The following GNAQ variants were observed in gnomAD, a reference collection of about 807,000 sequenced individuals.
GNAQ encodes G protein subunit alpha q, also known as guanine nucleotide-binding protein G(q) subunit alpha.
GNAQ carries 8 observed loss-of-function variants against 43.9 expected under a neutral mutation model. The observed-to-expected ratio is 0.18, with a 90% CI of 0.11 to 0.33. The LOEUF is 0.33. Ranked by LOEUF, GNAQ falls within the 10% of genes least tolerant of loss-of-function variation. GNAQ has a pLI of 1.00. For synonymous variants in GNAQ, 155 were observed against 170.7 expected, an observed-to-expected ratio of 0.91 and a Z score of 0.71; for missense variants, 158 against 450.8, an observed-to-expected ratio of 0.35 and a Z score of 5.88.
rs146739337 is a variant in GNAQ at position 77,825,062 on chromosome 9, G to A, written c.322-9292C>T. 2.3e-3 allele frequency among the ~76,000 whole-genome samples: 355 copies of A among 152,196 alleles called. 2 individuals are homozygous for A. In the Middle Eastern group the frequency reaches 0.027, roughly 12 times the overall value. ...TTGAAGCAGAAGATTTGTGTCTTTCGTATTTTGTGTGGTTGATTATATTCA... is the reference window on the plus strand; with the variant it reads ...TTGAAGCAGAAGATTTGTGTCTTTCATATTTTGTGTGGTTGATTATATTCA... On this transcript the variant is annotated intron_variant, in intron 2 of 6. Coordinates refer to ENST00000286548, the MANE Select transcript of GNAQ (RefSeq NM_002072.5).
chr9:77,799,276 G>T (rs1289624660), intron 3 of GNAQ, among the ~76,000 whole-genome samples: 1 of 152,104 alleles, frequency 6.6e-6, no homozygotes, highest in African/African-American at 2.4e-5. Flanking sequence ...AATGGAAGGG[G>T]TTAGATCTTC....
At chr9:77,959,712 T>C (rs891948165) in intron 1 of GNAQ, among the ~76,000 whole-genome samples, 1 of 152,168 alleles carries the variant, frequency 6.6e-6, no homozygotes, top group African/African-American at 2.4e-5. Context: ...CTTCCTACCT[T>C]GCACAATATT....
At chr9:77,785,025 T>C (rs545102188) in intron 5 of GNAQ, among the ~76,000 whole-genome samples, 1 of 152,358 alleles carries the variant, frequency 6.6e-6, no homozygotes, top group East Asian at 1.9e-4. Context: ...TGTTTGGCAG[T>C]GTCATTGGGC....
At chr9:77,870,618 C>T (rs1828022936) in intron 2 of GNAQ, among the ~76,000 whole-genome samples, 1 of 151,924 alleles carries the variant, frequency 6.6e-6, no homozygotes, top group Non-Finnish European at 1.5e-5. Flanking sequence ...AGCCACCGCG[C>T]CCCGCCTTTG....
At chr9:77,730,185 T>C (rs1288214684) in intron 5 of GNAQ, among the ~76,000 whole-genome samples, 4 of 152,254 alleles carry the variant, frequency 2.6e-5, no homozygotes, top group African/African-American at 9.6e-5. Context: ...GTTGGGGCTG[T>C]ACTTTTCTGG....
At chr9:77,947,563 A>G (rs1415406675) in intron 1 of GNAQ, among the ~76,000 whole-genome samples, 1 of 152,176 alleles carries the variant, frequency 6.6e-6, no homozygotes, top group African/African-American at 2.4e-5. Flanking sequence ...CTGGTGTTCA[A>G]TCTGTTTCAC....
chr9:77,809,619 T>C (rs1218494178), intron 3 of GNAQ, among the ~76,000 whole-genome samples: 1 of 152,218 alleles, frequency 6.6e-6, no homozygotes, highest in African/African-American at 2.4e-5. Context: ...TATTCTTTCA[T>C]TAAATAGAAT....
intron 1 of GNAQ, among the ~76,000 whole-genome samples, chr9:77,980,920 A>G (rs974531234): frequency 2.6e-5 from 4 of 152,216 alleles, no homozygotes; most frequent in Admixed American, 6.5e-5. Context: ...TCTGGAATCT[A>G]AACAGGCTCT....
intron 2 of GNAQ, among the ~76,000 whole-genome samples, chr9:77,920,840 A>C (rs1828985855): frequency 6.6e-6 from 1 of 152,242 alleles, no homozygotes; most frequent in African/African-American, 2.4e-5. Context: ...GGAACCATCT[A>C]AGAAAAACAA....
rs1243081779 is a variant in GNAQ, at chr9:77,718,280, G to A, written c.*3043C>T. The A allele has an allele frequency of 4.3e-6, 1 of 232,542 alleles. No homozygotes were observed. Among genetic ancestry groups the A allele is most frequent in the Non-Finnish European group, 8.5e-6 (1 of 117,644 alleles). 14.4% of individuals were successfully genotyped at this position (232,542 alleles called of 1,614,324 possible). On this transcript the variant is annotated 3_prime_UTR_variant, in exon 7 of 7. Transcript: ENST00000286548. ...GCAATCACAATATAATATAAAGCAT[G>A]AGTAAACTTTGTTTTTATACAAAAC...
At chr9:77,846,668 T>A (rs1827589982) in intron 2 of GNAQ, among the ~76,000 whole-genome samples, 2 of 152,050 alleles carry the variant, frequency 1.3e-5, no homozygotes, top group South Asian at 4.2e-4. Flanking sequence ...CAGCAGAGAG[T>A]GAAGCACGTC....
At chr9:77,788,583 C>T (rs147511653) in intron 5 of GNAQ, among the ~76,000 whole-genome samples, 2 of 152,088 alleles carry the variant, frequency 1.3e-5, no homozygotes, top group Non-Finnish European at 2.9e-5. Flanking sequence ...GAGGGCTACA[C>T]ATAGTCTTTA....
At chr9:77,818,876 T>G (rs1827062427) in intron 2 of GNAQ, among the ~76,000 whole-genome samples, 1 of 151,848 alleles carries the variant, frequency 6.6e-6, no homozygotes, top group African/African-American at 2.4e-5. Context: ...GGTATGTGCC[T>G]GTAGTCCCAG....
chr9:77,826,841 A>G lies in GNAQ; in HGVS notation c.322-11071T>C, dbSNP rs971566105. The stretch of plus-strand genomic sequence containing the variant: ...AGAAACAATCCTTGGTTTGTACTTC[A>G]GATATGACTCAGGAGGAATGATAGT... On this transcript the variant is annotated intron_variant, in intron 2 of 6. Transcript: ENST00000286548. Among the ~76,000 whole-genome samples the G allele has an allele frequency of 2.6e-5, 4 of 152,360 alleles. No individual in the cohort carries two copies. The East Asian group carries it at 5.8e-4, about 22-fold the overall frequency.
chr9:77,806,626 G>A (rs1395904644), intron 3 of GNAQ, among the ~76,000 whole-genome samples: 3 of 152,156 alleles, frequency 2.0e-5, no homozygotes, highest in Admixed American at 6.5e-5. Flanking sequence ...AGGTGGGGAT[G>A]GGTTACTCTG....
intron 4 of GNAQ, among the ~76,000 whole-genome samples, chr9:77,796,165 C>T (rs1333583913): frequency 6.6e-6 from 1 of 152,128 alleles, no homozygotes; most frequent in African/African-American, 2.4e-5. Flanking sequence ...AAAACTGAGG[C>T]TCAGAAATAG....
At chr9:77,798,106 A>G (rs923112349) in intron 3 of GNAQ, among the ~76,000 whole-genome samples, 1 of 151,938 alleles carries the variant, frequency 6.6e-6, no homozygotes, top group Non-Finnish European at 1.5e-5. Context: ...AATGAATTTC[A>G]CTATTCTCCT....
At chr9:77,754,988 C>T (rs1036268178) in intron 5 of GNAQ, among the ~76,000 whole-genome samples, 2 of 152,146 alleles carry the variant, frequency 1.3e-5, no homozygotes, top group African/African-American at 4.8e-5. Context: ...TTAAGTCTCT[C>T]TTAACAGACA....
chr9:78,031,321 G>T lies in GNAQ; in HGVS notation c.-86C>A. 9.0e-7 allele frequency: 1 copy of T among 1,111,566 alleles called. No homozygotes were observed. The highest frequency in any genetic ancestry group is 1.2e-6 in the Non-Finnish European group (1 of 866,056). The allele number at this position is 1,111,566 out of a possible 1,614,324, so 68.9% of individuals were successfully genotyped here. ...ACCCTCCCGCCCTCGCTCCCCCGAGGCAGCGGTGGCCGCCGAGCCCCCGCC... is the reference window on the plus strand; with the variant it reads ...ACCCTCCCGCCCTCGCTCCCCCGAGTCAGCGGTGGCCGCCGAGCCCCCGCC... On this transcript the variant is annotated 5_prime_UTR_variant, in exon 1 of 7. Transcript: ENST00000286548.
Sources: allele counts gnomAD v4.1 joint callset (sites outside exome capture counted in the v4.1 genomes callset), GRCh38; gene constraint gnomAD v4.1.1; transcripts MANE v1.5; gene names NCBI Gene and HGNC (gene_info 2026-07-23, HGNC 2026-07-21).